VKORC1L1: variants seen among roughly 807,000 people sequenced by gnomAD.
VKORC1L1 encodes vitamin K epoxide reductase complex subunit 1L1, also known as vitamin K epoxide reductase complex subunit 1-like protein 1.
In VKORC1L1, 2 loss-of-function variants were observed where a neutral mutation model predicts 18.9. The observed-to-expected ratio is 0.11, with a 90% CI of 0.04 to 0.33. The LOEUF is 0.33. VKORC1L1 is among the 10% of genes least tolerant of loss of function. The pLI, the probability that VKORC1L1 is intolerant of heterozygous loss-of-function variation, is 1.00. For synonymous variants in VKORC1L1, 96 were observed against 100.0 expected (o/e 0.96, Z 0.24); for missense variants, 123 against 224.1 (o/e 0.55, Z 2.88).
intron 1 of VKORC1L1, among the ~76,000 whole-genome samples, chr7:65,887,439 A>C (rs1165971636): frequency 4.6e-5 from 7 of 151,954 alleles, no homozygotes; most frequent in Non-Finnish European, 1.0e-4. Context: ...ACACTGGCAC[A>C]GTGAGTGGAA....
At chr7:65,934,593 T>C (rs1789910962) in intron 1 of VKORC1L1, among the ~76,000 whole-genome samples, 1 of 152,188 alleles carries the variant, frequency 6.6e-6, no homozygotes, top group Non-Finnish European at 1.5e-5. Flanking sequence ...ATGAGTTCAA[T>C]TGTCTTAGTT....
intron 1 of VKORC1L1, among the ~76,000 whole-genome samples, chr7:65,908,395 A>G (rs958150766): frequency 1.3e-5 from 2 of 152,204 alleles, no homozygotes; most frequent in African/African-American, 4.8e-5. Context: ...CTTGGGTGAC[A>G]GAGCAAGACT....
chr7:65,937,966 G>A (rs1368924799), intron 1 of VKORC1L1, among the ~76,000 whole-genome samples: 2 of 152,146 alleles, frequency 1.3e-5, no homozygotes, highest in Non-Finnish European at 2.9e-5. Flanking sequence ...CCAGCACATT[G>A]GGAGGCTGAG....
rs187051567 is a variant in VKORC1L1, at chr7:65,942,262, C to T, written c.195-6409C>T. Among the ~76,000 whole-genome samples the T allele has an allele frequency of 3.9e-3, 590 of 151,536 alleles. 6 individuals are homozygous for T. Among genetic ancestry groups the T allele is most frequent in the African/African-American group, 0.013 (557 of 41,364 alleles). Reference sequence around the variant, plus strand: ...CAGCACTTTGGGAGGCTGAGACGAGCGGATCATGAGGTCAGGAGATTGAGA... The same window carrying T: ...CAGCACTTTGGGAGGCTGAGACGAGTGGATCATGAGGTCAGGAGATTGAGA... On this transcript the variant is annotated intron_variant, in intron 1 of 2. Transcript: ENST00000360768.
At chr7:65,934,345 T>G (rs1789906590) in intron 1 of VKORC1L1, among the ~76,000 whole-genome samples, 1 of 152,228 alleles carries the variant, frequency 6.6e-6, no homozygotes, top group Non-Finnish European at 1.5e-5. Context: ...ATCAAGCTAC[T>G]TAACATATCC....
intron 1 of VKORC1L1, among the ~76,000 whole-genome samples, chr7:65,919,743 A>C (rs543774793): frequency 6.6e-6 from 1 of 152,294 alleles, no homozygotes; most frequent in Non-Finnish European, 1.5e-5. Flanking sequence ...TACTACAGCC[A>C]GAGTGACCTT....
intron 1 of VKORC1L1, among the ~76,000 whole-genome samples, chr7:65,891,017 C>T (rs1166951636): frequency 6.6e-6 from 1 of 151,798 alleles, no homozygotes; most frequent in Non-Finnish European, 1.5e-5. Flanking sequence ...ACTATACATG[C>T]GTTTGGCCTG....
rs189914895 is a variant in VKORC1L1, at chr7:65,903,055, G to A, written c.194+29490G>A. ...CTAATTTTGTATTTTTAGTAGAGAC[G>A]GGGTTTCTCCATGTTGGTCAGGCTG... On this transcript the variant is annotated intron_variant, in intron 1 of 2. Coordinates refer to ENST00000360768, the MANE Select transcript of VKORC1L1 (RefSeq NM_173517.6). 1.9e-3 allele frequency among the ~76,000 whole-genome samples: 287 copies of A among 151,790 alleles called. 3 individuals are homozygous for A. The highest frequency in any genetic ancestry group is 6.8e-3 in the African/African-American group (280 of 41,370).
chr7:65,935,842 AT>A (rs976838449), intron 1 of VKORC1L1, among the ~76,000 whole-genome samples: 2 of 151,976 alleles, frequency 1.3e-5, no homozygotes, highest in Non-Finnish European at 2.9e-5. Flanking sequence ...ATTAGCTACT[AT>A]TTTTTCATAC....
intron 1 of VKORC1L1, among the ~76,000 whole-genome samples, chr7:65,945,577 A>C (rs1028549130): frequency 1.3e-5 from 2 of 151,920 alleles, no homozygotes; most frequent in African/African-American, 4.8e-5. Flanking sequence ...GCGCCACTGC[A>C]CTCCAGCCTG....
At chr7:65,908,736 C>T (rs1321007039) in intron 1 of VKORC1L1, among the ~76,000 whole-genome samples, 5 of 149,734 alleles carry the variant, frequency 3.3e-5, no homozygotes, top group Non-Finnish European at 5.9e-5. Context: ...ACTCAGGAGG[C>T]TGAGGCAGGA....
intron 1 of VKORC1L1, among the ~76,000 whole-genome samples, chr7:65,936,004 T>G (rs934893220): frequency 6.6e-6 from 1 of 152,094 alleles, no homozygotes; most frequent in African/African-American, 2.4e-5. Context: ...TTCCTCTCTG[T>G]TGTTCAAATT....
chr7:65,929,372 A>G (rs879422238), intron 1 of VKORC1L1, among the ~76,000 whole-genome samples: 1 of 152,094 alleles, frequency 6.6e-6, no homozygotes, highest in Non-Finnish European at 1.5e-5. Flanking sequence ...AGATCGCGCC[A>G]CTGCACTGTA....
intron 1 of VKORC1L1, among the ~76,000 whole-genome samples, chr7:65,920,105 C>T (rs1012353904): frequency 2.0e-5 from 3 of 152,084 alleles, no homozygotes; most frequent in Non-Finnish European, 4.4e-5. Flanking sequence ...ACCTCACACC[C>T]GCCGGGCATG....
Position 65,956,871 on chromosome 7 carries a change from A to G in VKORC1L1, c.*2571A>G, listed in dbSNP as rs1391357743. 2.0e-5 allele frequency: 3 copies of G among 152,242 alleles called. No individual in the cohort carries two copies. Among genetic ancestry groups the G allele is most frequent in the African/African-American group, 7.2e-5 (3 of 41,476 alleles). The allele number at this position is 152,242 out of a possible 1,614,324, so 9.4% of individuals were successfully genotyped here. A position where few individuals can be genotyped will look rare whatever the true frequency, so the allele number is the denominator to read the frequency against. ...ATGAGGGGAAACATTTGTTTTTAGCAGTAATTCCATGCCTCATCTTTTTTA... is the reference window on the plus strand; with the variant it reads ...ATGAGGGGAAACATTTGTTTTTAGCGGTAATTCCATGCCTCATCTTTTTTA... On this transcript the variant is annotated 3_prime_UTR_variant, in exon 3 of 3. Transcript: ENST00000360768.
At chr7:65,910,765 A>G (rs1789489939) in intron 1 of VKORC1L1, among the ~76,000 whole-genome samples, 1 of 152,084 alleles carries the variant, frequency 6.6e-6, no homozygotes, top group Admixed American at 6.6e-5. Flanking sequence ...TTACCCTTTC[A>G]TGTAAGTGAT....
chr7:65,895,468 AAAAAAAAAAAAAAT>A (rs1360165202), intron 1 of VKORC1L1, among the ~76,000 whole-genome samples: 151 of 52,656 alleles, frequency 2.9e-3, no homozygotes, highest in Non-Finnish European at 3.9e-3. Flanking sequence ...AAAAAAAAAA[AAAAAAAAAAAAAAT>A]ATATATATAT....
Position 65,918,153 on chromosome 7 carries a change from T to C in VKORC1L1, c.195-30518T>C, listed in dbSNP as rs905170558. Among the ~76,000 whole-genome samples, 8 of 152,216 alleles carry C rather than the reference T, an allele frequency of 5.3e-5. 1 individual carries two copies. The highest frequency in any genetic ancestry group is 1.9e-4 in the African/African-American group (8 of 41,458). ...CGCAACCTCCTAGAGATAACCATTG[T>C]GATTCTTTTGTTCTACTACAGTTTT... is the stretch of plus-strand genomic sequence containing the variant. On this transcript the variant is annotated intron_variant, in intron 1 of 2. Transcript: ENST00000360768.
chr7:65,873,260 TGGCGGCGGCGGCGGAGGC>T lies in VKORC1L1; in HGVS notation c.-106_-89del, dbSNP rs1788757374. The T allele has an allele frequency of 2.2e-6, 2 of 915,132 alleles. No homozygotes were observed. The highest frequency in any genetic ancestry group is 1.0e-4 in the South Asian group (2 of 20,022). 56.7% of individuals were successfully genotyped at this position (915,132 alleles called of 1,614,324 possible). A position where few individuals can be genotyped will look rare whatever the true frequency, so the allele number is the denominator to read the frequency against. On this transcript the variant is annotated 5_prime_UTR_variant, in exon 1 of 3. Coordinates refer to ENST00000360768, the MANE Select transcript of VKORC1L1 (RefSeq NM_173517.6). ...GGCGCGGCGGCGGCGGCGGCGGTGG[TGGCGGCGGCGGCGGAGGC>T]GGCGGTGGCGGCGGTGGCGGCTGGG...
Sources: gnomAD v4.1 joint callset for allele counts (sites outside exome capture counted in the v4.1 genomes callset) on GRCh38, gnomAD v4.1.1 for gene constraint, MANE v1.5 for transcripts, NCBI Gene and HGNC (gene_info 2026-07-23, HGNC 2026-07-21) for gene names.